Variants in CPAP observed in about 807,000 individuals in gnomAD.
CPAP encodes the protein centrosome assembly and centriole elongation protein.
the CPAP span, among the ~76,000 whole-genome samples, chr13:24,932,370 T>G: frequency 6.6e-6 from 1 of 152,198 alleles, no homozygotes; most frequent in East Asian, 1.9e-4. Flanking sequence ...CCAGCTACGC[T>G]GGAGGCTGAG....
the CPAP span, among the ~76,000 whole-genome samples, chr13:24,897,473 A>G: frequency 6.6e-6 from 1 of 152,204 alleles, no homozygotes; most frequent in Non-Finnish European, 1.5e-5. Context: ...TGCTGAATGA[A>G]TAAGTGGGAG....
chr13:24,897,076 G>A, the CPAP span, among the ~76,000 whole-genome samples: 1,152 of 152,206 alleles, frequency 7.6e-3, 10 homozygotes, highest in African/African-American at 0.027. Context: ...AGAATTGCTA[G>A]TAGAACTAAA....
At chr13:24,932,268 G>A in the CPAP span, among the ~76,000 whole-genome samples, 77 of 152,298 alleles carry the variant, frequency 5.1e-4, no homozygotes, top group Non-Finnish European at 9.7e-4. Flanking sequence ...TTCTAAAAAT[G>A]GACAAATACC....
the CPAP span, chr13:24,912,620 C>T: frequency 1.2e-6 from 2 of 1,613,718 alleles, no homozygotes; most frequent in Admixed American, 1.7e-5. Flanking sequence ...TTATAAGCCC[C>T]TTCTTTGAAT....
At chr13:24,883,234 G>A in the CPAP span, 511 of 1,613,936 alleles carry the variant, frequency 3.2e-4, 5 homozygotes, top group Middle Eastern at 4.3e-3. Context: ...TTATCCGACC[G>A]GATCTGTACT....
the CPAP span, among the ~76,000 whole-genome samples, chr13:24,923,832 T>TA: frequency 1.3e-5 from 2 of 152,174 alleles, no homozygotes; most frequent in South Asian, 4.1e-4. Context: ...TTTCTTTTTT[T>TA]AATTTTTATT....
chr13:24,911,927 C>T, the CPAP span: 2 of 1,613,814 alleles, frequency 1.2e-6, no homozygotes, highest in African/African-American at 2.7e-5. Context: ...TACTGAGGCC[C>T]TGTGTAGGCA....
At chr13:24,889,407 T>C in the CPAP span, 2 of 1,569,510 alleles carry the variant, frequency 1.3e-6, no homozygotes, top group South Asian at 1.1e-5. Flanking sequence ...TGTTCTATAG[T>C]ATAAGAGATA....
At chr13:24,911,276 G>A in the CPAP span, among the ~76,000 whole-genome samples, 1 of 152,134 alleles carries the variant, frequency 6.6e-6, no homozygotes, top group Non-Finnish European at 1.5e-5. Context: ...ACAGAGTGTG[G>A]TCAAGAAACT....
the CPAP span, chr13:24,910,017 C>G: frequency 2.2e-5 from 36 of 1,613,916 alleles, no homozygotes; most frequent in Admixed American, 5.7e-4. Flanking sequence ...GCATGTGGCT[C>G]TCTCTCCAGT....
At chr13:24,899,752 A>C in the CPAP span, among the ~76,000 whole-genome samples, 2 of 152,198 alleles carry the variant, frequency 1.3e-5, no homozygotes, top group African/African-American at 2.4e-5. Flanking sequence ...ATAAGCATTC[A>C]TTGGGTGCCT....
At chr13:24,885,182 C>G in the CPAP span, 1 of 846,878 alleles carries the variant, frequency 1.2e-6, no homozygotes. Context: ...GGCATCTTGT[C>G]CAAAGAGCCC....
the CPAP span, among the ~76,000 whole-genome samples, chr13:24,913,394 TA>T: frequency 1.1e-3 from 156 of 145,714 alleles, no homozygotes; most frequent in East Asian, 2.8e-3. Flanking sequence ...GTTATTCACT[TA>T]AAAAAAAAAA....
chr13:24,933,328 T>C, the CPAP span, among the ~76,000 whole-genome samples: 1 of 152,176 alleles, frequency 6.6e-6, no homozygotes, highest in Non-Finnish European at 1.5e-5. Context: ...AGCCCTGTTC[T>C]CTCCCTGTTC....
the CPAP span, among the ~76,000 whole-genome samples, chr13:24,895,153 G>A: frequency 6.6e-6 from 1 of 152,252 alleles, no homozygotes; most frequent in Admixed American, 6.5e-5. Context: ...AGGGAAGGCC[G>A]AGGGGACTCC....
chr13:24,885,807 C>CTT, the CPAP span: 9,624 of 695,912 alleles, frequency 0.014, 643 homozygotes, highest in African/African-American at 0.15. Context: ...TAATATTTTT[C>CTT]TTTACTAATT....
the CPAP span, chr13:24,885,634 C>A: frequency 2.5e-6 from 4 of 1,612,788 alleles, no homozygotes; most frequent in Non-Finnish European, 3.4e-6. Flanking sequence ...GCCTAAATCA[C>A]GAGGAGGTGC....
At chr13:24,920,740 C>T in the CPAP span, among the ~76,000 whole-genome samples, 1 of 151,334 alleles carries the variant, frequency 6.6e-6, no homozygotes, top group Non-Finnish European at 1.5e-5. Context: ...CCCACCTCAG[C>T]CTCCAGAGTA....
chr13:24,900,687 C>T, the CPAP span, among the ~76,000 whole-genome samples: 2 of 152,076 alleles, frequency 1.3e-5, no homozygotes, highest in East Asian at 1.9e-4. Context: ...ACCGTCCAAA[C>T]GCAGGCTGGC....
Sources: allele counts gnomAD v4.1 joint callset (sites outside exome capture counted in the v4.1 genomes callset), GRCh38; gene constraint gnomAD v4.1.1; transcripts MANE v1.5; gene names NCBI Gene and HGNC (gene_info 2026-07-23, HGNC 2026-07-21).